COL4A5: variants seen among roughly 807,000 people sequenced by gnomAD.
COL4A5 encodes the protein collagen alpha-5(IV) chain.
In COL4A5, 26 loss-of-function variants were observed where a neutral mutation model predicts 130.2. The ratio of observed to expected loss-of-function variants is 0.20; its 90% CI spans 0.15 to 0.28. The LOEUF is 0.28. Among genes scored for constraint, COL4A5 ranks in the 10% least tolerant of loss-of-function variants. COL4A5 has a pLI of 1.00. For synonymous variants in COL4A5, 496 were observed against 439.6 expected, an observed-to-expected ratio of 1.13 and a Z score of -1.60; for missense variants, 1,131 against 1,344.3, an observed-to-expected ratio of 0.84 and a Z score of 2.48.
intron 1 of COL4A5, among the ~76,000 whole-genome samples, chrX:108,515,215 G>T (rs1188470678): frequency 9.0e-6 from 1 of 111,713 alleles, no homozygotes; most frequent in Non-Finnish European, 1.9e-5. Context: ...CAGAAACTAT[G>T]ACTTTTTCCT....
At chrX:108,479,272 C>T (rs773519125) in intron 1 of COL4A5, among the ~76,000 whole-genome samples, 1 of 112,698 alleles carries the variant, frequency 8.9e-6, no homozygotes, top group East Asian at 2.8e-4. Flanking sequence ...TTCTTTGTCA[C>T]CAATTTCCCA....
intron 37 of COL4A5, among the ~76,000 whole-genome samples, chrX:108,659,923 A>G (rs1279797454): frequency 9.0e-6 from 1 of 110,670 alleles, no homozygotes; most frequent in African/African-American, 3.3e-5. Flanking sequence ...CCACATTGCT[A>G]TTTGTTTTAT....
intron 1 of COL4A5, among the ~76,000 whole-genome samples, chrX:108,485,204 T>C (rs2064932377): frequency 9.0e-6 from 1 of 111,649 alleles, no homozygotes; most frequent in South Asian, 3.7e-4. Context: ...GGCAGTGGGC[T>C]CCCCATTGTC....
Position 108,695,422 on chromosome X carries a change from T to A in COL4A5, c.4977T>A (p.Asp1659Glu), listed in dbSNP as rs752044936. Residue 1659 changes from aspartate to glutamate, a missense_variant, in exon 52 of 53, where the codon GAT becomes GAA. By Grantham distance (45) the Asp-to-Glu change is conservative. Transcript: ENST00000328300. ...NSYSFWLATV[D>E]VSDMFSKPQS... ...ACAGCTTTTGGCTGGCAACTGTAGA[T>A]GTGTCAGACATGTTCAGGTAAAGTG... 1.1e-5 allele frequency: 13 copies of A among 1,211,406 alleles called. No individual in the cohort carries two copies. The highest frequency in any genetic ancestry group is 1.0e-5 in the Non-Finnish European group (9 of 895,255).
intron 36 of COL4A5, among the ~76,000 whole-genome samples, chrX:108,655,101 C>A (rs1189250177): frequency 5.4e-5 from 6 of 111,837 alleles, no homozygotes; most frequent in Non-Finnish European, 1.1e-4. Context: ...AGTTCTGCCA[C>A]TTACAAAAAC....
At chrX:108,666,440 A>C in intron 38 of COL4A5, 56 bp from the exon 39 acceptor site, 2 of 935,252 alleles carry the variant, frequency 2.1e-6, no homozygotes, top group Non-Finnish European at 3.0e-6. Flanking sequence ...ATATGGAAGT[A>C]AAAGGGAGTT....
intron 1 of COL4A5, among the ~76,000 whole-genome samples, chrX:108,482,866 C>T (rs906526124): frequency 9.0e-6 from 1 of 111,650 alleles, no homozygotes; most frequent in African/African-American, 3.3e-5. Flanking sequence ...TTAGGAGCAA[C>T]CAACTGGCTT....
intron 26 of COL4A5, among the ~76,000 whole-genome samples, 166 bp from the exon 27 acceptor site, chrX:108,601,719 C>T (rs1441044550): frequency 9.1e-6 from 1 of 110,464 alleles, no homozygotes. Flanking sequence ...TTAGTAGAGA[C>T]GGAGTTTCTC....
intron 43 of COL4A5, among the ~76,000 whole-genome samples, chrX:108,676,304 G>A (rs972497495): frequency 1.8e-5 from 2 of 111,241 alleles, no homozygotes; most frequent in Non-Finnish European, 3.8e-5. Flanking sequence ...CTAACTATTG[G>A]CTGTTCATTA....
rs1400560744 is a variant in COL4A5 at position 108,458,777 on chromosome X, G to A, written c.81+18571G>A. On this transcript the variant is annotated intron_variant, in intron 1 of 52. Coordinates refer to ENST00000328300, the MANE Select transcript of COL4A5 (RefSeq NM_033380.3). ...GGGTGGATCACGAGGTCAGGAGATA[G>A]AGACCATCCTGGCTAACACGGTGAA... is the stretch of plus-strand genomic sequence containing the variant. 4.5e-5 allele frequency among the ~76,000 whole-genome samples: 5 copies of A among 111,555 alleles called. No individual in the cohort carries two copies. In the East Asian group the frequency reaches 1.4e-3, roughly 31 times the overall value.
At chrX:108,601,099 T>C (rs1348624483) in intron 25 of COL4A5, among the ~76,000 whole-genome samples, 2 of 111,618 alleles carry the variant, frequency 1.8e-5, no homozygotes, top group Admixed American at 1.9e-4. Context: ...AATAATGCTT[T>C]ACCAGCGATC....
intron 1 of COL4A5, among the ~76,000 whole-genome samples, chrX:108,514,658 C>CTAG (rs1427566840): frequency 8.9e-6 from 1 of 111,828 alleles, no homozygotes; most frequent in African/African-American, 3.2e-5. Flanking sequence ...TTTAGATAGA[C>CTAG]TAGTAAGGTT....
rs748938399 is a variant in COL4A5, at chrX:108,538,457, AT to A, written c.82-1288del. Among the ~76,000 whole-genome samples, 14 of 111,703 alleles carry A rather than the reference AT, an allele frequency of 1.3e-4. No homozygotes were observed. In the South Asian group the frequency reaches 5.2e-3, roughly 42 times the overall value. On this transcript the variant is annotated intron_variant, in intron 1 of 52. Coordinates refer to ENST00000328300, the MANE Select transcript of COL4A5 (RefSeq NM_033380.3). ...CATCAAGCCATTGTAGTTTGCTCTT[AT>A]AATCAGGAAAAGAGGTTTCAGTATG...
At chrX:108,541,248 C>A (rs771199067) in intron 2 of COL4A5, among the ~76,000 whole-genome samples, 5 of 111,705 alleles carry the variant, frequency 4.5e-5, no homozygotes, top group African/African-American at 1.6e-4. Flanking sequence ...GGAGTAGTTT[C>A]GCAGTAAGGG....
intron 42 of COL4A5, chrX:108,670,771 A>G (rs1364652835): frequency 6.4e-6 from 2 of 314,871 alleles, no homozygotes; most frequent in Non-Finnish European, 6.2e-6. Flanking sequence ...GCCGGGCACC[A>G]TGGCTCATGA....
chrX:108,601,204 T>C (rs955278213), intron 25 of COL4A5, among the ~76,000 whole-genome samples, 189 bp from the exon 26 acceptor site: 28 of 112,144 alleles, frequency 2.5e-4, no homozygotes, highest in Non-Finnish European at 5.1e-4. Context: ...TCCTTTTTCT[T>C]TTTGAAATTC....
chrX:108,625,519 T>C lies in COL4A5; in HGVS notation c.3017-186T>C, dbSNP rs902168851. ...TTATATTAGGAGACCTCTATTACTA[T>C]GGTTATATTGTAATATGTTCCCAAG... On this transcript the variant is annotated intron_variant, in intron 34 of 52. Transcript: ENST00000328300. Among the ~76,000 whole-genome samples the C allele has an allele frequency of 7.1e-5, 8 of 111,905 alleles. No homozygotes were observed. In the South Asian group the frequency reaches 3.0e-3, roughly 42 times the overall value.
At position 108,687,472 on chromosome X, in the gene COL4A5, G is replaced by T; in HGVS notation, c.4316-10G>T. 1 of 1,201,188 alleles carries T rather than the reference G, an allele frequency of 8.3e-7. No homozygotes were observed. ...CTTAATCTTGTATACTGATTATTTC[G>T]TGGAAATAGGTACCCGTGGTTTGGA... On this transcript the variant is annotated splice_polypyrimidine_tract_variant and intron_variant, in intron 48 of 52. Coordinates refer to ENST00000328300, the MANE Select transcript of COL4A5 (RefSeq NM_033380.3).
intron 46 of COL4A5, among the ~76,000 whole-genome samples, chrX:108,681,543 A>G (rs1015516533): frequency 2.9e-4 from 32 of 111,623 alleles, no homozygotes; most frequent in Middle Eastern, 4.6e-3. Context: ...AATAGAGATG[A>G]TATGCTTAAT....
Sources: gnomAD v4.1 joint callset for allele counts (sites outside exome capture counted in the v4.1 genomes callset) on GRCh38, gnomAD v4.1.1 for gene constraint, MANE v1.5 for transcripts, NCBI Gene and HGNC (gene_info 2026-07-23, HGNC 2026-07-21) for gene names.